Variants in ATP9B observed in about 807,000 individuals in gnomAD.
ATP9B encodes probable phospholipid-transporting ATPase IIB.
ATP9B carries 110 observed loss-of-function variants against 146.1 expected under a neutral mutation model. The ratio of observed to expected loss-of-function variants is 0.75; its 90% CI spans 0.65 to 0.88. ATP9B has a LOEUF of 0.88. Ranked by LOEUF, ATP9B falls within the 40% of genes least tolerant of loss-of-function variation. ATP9B has a pLI of 0.00. For synonymous variants in ATP9B, 604 were observed against 569.7 expected (o/e 1.06, Z -0.86); for missense variants, 1,499 against 1,496.4 (o/e 1.00, Z -0.03).
intron 11 of ATP9B, among the ~76,000 whole-genome samples, chr18:79,246,780 C>A (rs1454004787): frequency 2.0e-5 from 3 of 152,222 alleles, no homozygotes; most frequent in Non-Finnish European, 4.4e-5. Context: ...GAGTACGACT[C>A]TGAGACAGAT....
chr18:79,246,000 C>G (rs866486692), intron 11 of ATP9B, among the ~76,000 whole-genome samples: 6 of 116,904 alleles, frequency 5.1e-5, no homozygotes, highest in South Asian at 2.9e-4. Context: ...ACTGTCTGTG[C>G]GGAGGGCACC....
chr18:79,246,709 G>T (rs1179999909), intron 11 of ATP9B, among the ~76,000 whole-genome samples: 1 of 152,152 alleles, frequency 6.6e-6, no homozygotes, highest in African/African-American at 2.4e-5. Context: ...TCCCCCTGCT[G>T]GCCGCGCCCC....
At chr18:79,123,635 A>G (rs1011536890) in intron 4 of ATP9B, among the ~76,000 whole-genome samples, 1 of 152,208 alleles carries the variant, frequency 6.6e-6, no homozygotes, top group African/African-American at 2.4e-5. Flanking sequence ...AAAAAAGTAG[A>G]TCAAAGTTGG....
At chr18:79,088,971 G>A (rs1034883732) in intron 1 of ATP9B, among the ~76,000 whole-genome samples, 2 of 152,170 alleles carry the variant, frequency 1.3e-5, no homozygotes, top group Non-Finnish European at 2.9e-5. Flanking sequence ...ATCCAAGACC[G>A]TTGGCCATAT....
chr18:79,327,537 G>A (rs112573863), intron 15 of ATP9B, among the ~76,000 whole-genome samples: 2,905 of 131,440 alleles, frequency 0.022, 172 homozygotes, highest in African/African-American at 0.085. Context: ...TCCGTGGTTA[G>A]CGTGCTCTCC....
chr18:79,345,730 AT>A (rs1431003623), intron 22 of ATP9B, 44 bp from the exon 23 acceptor site: 11 of 1,611,302 alleles, frequency 6.8e-6, no homozygotes, highest in Non-Finnish European at 6.8e-6. Context: ...GAAAAACGTG[AT>A]GATGGATAAG....
chr18:79,209,513 G>T (rs535165596), intron 10 of ATP9B: 1 of 217,792 alleles, frequency 4.6e-6, no homozygotes, highest in African/African-American at 2.3e-5. Context: ...CATCCCATAC[G>T]GTTCCCTGAA....
chr18:79,197,687 A>G (rs1225039713), intron 9 of ATP9B, among the ~76,000 whole-genome samples: 2 of 151,434 alleles, frequency 1.3e-5, no homozygotes, highest in African/African-American at 4.9e-5. Flanking sequence ...AAGTGGGATC[A>G]ACTGGTTTCT....
chr18:79,346,801 C>CACTT (rs1363465083), intron 23 of ATP9B, among the ~76,000 whole-genome samples: 1 of 152,230 alleles, frequency 6.6e-6, no homozygotes, highest in African/African-American at 2.4e-5. Context: ...GGTGAATGCG[C>CACTT]ACTTGGTCAA....
Position 79,373,916 on chromosome 18 carries a change from G to A in ATP9B, c.3089G>A (p.Gly1030Glu). ...SIYQGGILMY[G>E]ALVLFESEFV... ...TTTTCAGGCGGCATCCTCATGTATG[G>A]GGCCCTGGTGCTCTTCGAGTCTGAG... Residue 1030 changes from glycine to glutamate, a missense_variant, in exon 28 of 30, where the codon GGG (glycine) becomes GAG (glutamate). Transcript: ENST00000426216. 6.2e-7 allele frequency: 1 copy of A among 1,613,002 alleles called. No individual in the cohort carries two copies. Among genetic ancestry groups the A allele is most frequent in the Non-Finnish European group, 8.5e-7 (1 of 1,180,010 alleles).
intron 15 of ATP9B, among the ~76,000 whole-genome samples, chr18:79,327,727 GCCGTGGTTAGCGTGCTCT>G (rs1568699942): frequency 9.1e-5 from 5 of 54,870 alleles, no homozygotes; most frequent in African/African-American, 4.5e-4. Context: ...TAGCGTGCTC[GCCGTGGTTAGCGTGCTCT>G]CCGTGGTTAG....
intron 12 of ATP9B, among the ~76,000 whole-genome samples, chr18:79,256,976 C>G (rs1452841434): frequency 6.6e-6 from 1 of 152,140 alleles, no homozygotes; most frequent in African/African-American, 2.4e-5. Flanking sequence ...TTGGAAAATA[C>G]AGTGCGTATT....
At chr18:79,253,893 G>T in intron 12 of ATP9B, 1 of 171,566 alleles carries the variant, frequency 5.8e-6, no homozygotes, top group Non-Finnish European at 1.2e-5. Flanking sequence ...TGATCTGTGT[G>T]GAATCACTGG....
chr18:79,328,378 C>T (rs2096772766), intron 15 of ATP9B, among the ~76,000 whole-genome samples: 1 of 152,104 alleles, frequency 6.6e-6, no homozygotes, highest in African/African-American at 2.4e-5. Context: ...ATTGCTCTTC[C>T]ACTTGTGATT....
At chr18:79,213,866 G>A (rs2095604603) in intron 10 of ATP9B, 96 bp from the exon 11 acceptor site, 3 of 880,678 alleles carry the variant, frequency 3.4e-6, no homozygotes, top group Non-Finnish European at 5.1e-6. Flanking sequence ...ATCAAATAGT[G>A]TGATAATACT....
chr18:79,247,100 T>C (rs1401501209), intron 11 of ATP9B, among the ~76,000 whole-genome samples: 2 of 152,212 alleles, frequency 1.3e-5, no homozygotes, highest in African/African-American at 4.8e-5. Flanking sequence ...TTTGAAAGAA[T>C]TTATAATACT....
chr18:79,286,623 CT>C (rs1179638953), intron 13 of ATP9B, among the ~76,000 whole-genome samples: 1 of 152,014 alleles, frequency 6.6e-6, no homozygotes, highest in African/African-American at 2.4e-5. Context: ...CTTCTCCTGC[CT>C]AATTGCCCTG....
rs1261297973 is a variant in ATP9B at position 79,096,511 on chromosome 18, AAATGCCACT to A, written c.160_168del (p.Pro54_Met56del). 6.2e-7 allele frequency: 1 copy of A among 1,614,110 alleles called. No homozygotes were observed. Among genetic ancestry groups the A allele is most frequent in the East Asian group, 2.2e-5 (1 of 44,870 alleles). ...GAGGATGAGTCTGCGCATTTGGATG[AAATGCCACT>A]AATGATGTCTGAAGAAGGCTTTGAG... is the stretch of plus-strand genomic sequence containing the variant. On this transcript the variant is annotated inframe_deletion, in exon 2 of 30. Coordinates refer to ENST00000426216, the MANE Select transcript of ATP9B (RefSeq NM_198531.5).
chr18:79,281,694 T>C (rs2096378496), intron 13 of ATP9B, among the ~76,000 whole-genome samples: 2 of 151,960 alleles, frequency 1.3e-5, no homozygotes, highest in South Asian at 4.2e-4. Context: ...AAGAAACAGT[T>C]TTAGCAATCC....
Sources: gnomAD v4.1 joint callset for allele counts (sites outside exome capture counted in the v4.1 genomes callset) on GRCh38, gnomAD v4.1.1 for gene constraint, MANE v1.5 for transcripts, NCBI Gene and HGNC (gene_info 2026-07-23, HGNC 2026-07-21) for gene names.